DENND2C: variants seen among roughly 807,000 people sequenced by gnomAD.
DENND2C encodes the protein DENN domain-containing protein 2C.
A neutral mutation model predicts 112.4 loss-of-function variants in DENND2C; 72 were observed. The ratio of observed to expected loss-of-function variants is 0.64; its 90% CI spans 0.53 to 0.78. The LOEUF (loss-of-function observed/expected upper bound fraction) is 0.78. Ranked by LOEUF, DENND2C falls within the 30% of genes least tolerant of loss-of-function variation. DENND2C has a pLI of 0.00. For synonymous variants in DENND2C, 329 were observed against 381.6 expected (o/e 0.86, Z 1.61); for missense variants, 992 against 1,113.8 (o/e 0.89, Z 1.56).
intron 15 of DENND2C, among the ~76,000 whole-genome samples, chr1:114,599,983 G>A (rs1655451129): frequency 6.6e-6 from 1 of 152,026 alleles, no homozygotes; most frequent in Non-Finnish European, 1.5e-5. Context: ...GGGGGGATGG[G>A]GGGAGGGCTA....
intron 3 of DENND2C, among the ~76,000 whole-genome samples, chr1:114,645,070 T>G (rs1328208039): frequency 6.6e-6 from 1 of 152,210 alleles, no homozygotes; most frequent in African/African-American, 2.4e-5. Context: ...GAAGTTTAAC[T>G]ACAAATATTT....
At position 114,652,661 on chromosome 1, in the gene DENND2C, C is replaced by CT. The variant is rs55647145; in HGVS notation, c.-317+1843dup. Among the ~76,000 whole-genome samples the CT allele has an allele frequency of 7.8e-4, 86 of 109,822 alleles. 2 individuals carry two copies. Among genetic ancestry groups the CT allele is most frequent in the East Asian group, 3.7e-3 (12 of 3,212 alleles). The allele number at this position is 109,822 out of a possible 152,430, so 72.0% of individuals were successfully genotyped here. A position where few individuals can be genotyped will look rare whatever the true frequency, so the allele number is the denominator to read the frequency against. On this transcript the variant is annotated intron_variant, in intron 2 of 20. Transcript: ENST00000393274. ...CTTACAACTTATAGCCTTACATTTA[C>CT]TTTTTTTTTTTTTTTTTTTTTTTTT...
chr1:114,601,850 C>CT lies in DENND2C; in HGVS notation c.1738-266dup, dbSNP rs568559362. Reference sequence around the variant, plus strand: ...GCTCCTTCGAGTAGCTCATTGTACTCTATTTCAAATATATCCAGACTGAGA... The same window carrying CT: ...GCTCCTTCGAGTAGCTCATTGTACTCTTATTTCAAATATATCCAGACTGAGA... On this transcript the variant is annotated intron_variant, in intron 12 of 20. Transcript: ENST00000393274. Among the ~76,000 whole-genome samples, 151 of 152,270 alleles carry CT rather than the reference C, an allele frequency of 9.9e-4. 1 individual carries two copies. Among genetic ancestry groups the CT allele is most frequent in the Non-Finnish European group, 1.8e-3 (124 of 68,030 alleles).
chr1:114,602,019 C>T, intron 12 of DENND2C, 106 bp downstream of exon 12: 1 of 1,078,730 alleles, frequency 9.3e-7, no homozygotes, highest in Non-Finnish European at 1.4e-6. Flanking sequence ...ATACACAGAT[C>T]ATTGAGCATC....
Position 114,618,449 on chromosome 1 carries a change from T to C in DENND2C, c.1261A>G (p.Lys421Glu), listed in dbSNP as rs745845534. The C allele has an allele frequency of 1.5e-5, 24 of 1,593,784 alleles. No homozygotes were observed. Among genetic ancestry groups the C allele is most frequent in the Non-Finnish European group, 2.0e-5 (24 of 1,172,156 alleles). Residue 421 changes from lysine to glutamate, a missense_variant, in exon 8 of 21, where the codon AAA becomes GAA. Transcript: ENST00000393274. ...VLKIDDIFES[K>E]RGKKKVKLHS... ...AACTTTACCTTCTTCTTCCCTCTTT[T>C]AGATTCAAATATGTCATCTATTTTC... is the stretch of plus-strand genomic sequence containing the variant.
At chr1:114,644,972 C>T (rs906378594) in intron 3 of DENND2C, among the ~76,000 whole-genome samples, 4 of 151,976 alleles carry the variant, frequency 2.6e-5, no homozygotes, top group Non-Finnish European at 4.4e-5. Context: ...AATTTAAAGG[C>T]ATGAGATTTA....
chr1:114,610,154 C>T (rs1027472610), intron 9 of DENND2C, among the ~76,000 whole-genome samples: 5 of 152,146 alleles, frequency 3.3e-5, no homozygotes, highest in African/African-American at 1.2e-4. Context: ...CTTAGTATGA[C>T]AGTCACTTAA....
intron 1 of DENND2C, among the ~76,000 whole-genome samples, chr1:114,666,703 T>C (rs995182545): frequency 1.3e-5 from 2 of 152,232 alleles, no homozygotes; most frequent in Non-Finnish European, 1.5e-5. Context: ...TCCACCTGCC[T>C]TGGCCTCCCA....
intron 2 of DENND2C, among the ~76,000 whole-genome samples, chr1:114,650,673 CAAAAAAAAAAA>C (rs58693255): frequency 6.5e-5 from 4 of 61,614 alleles, no homozygotes; most frequent in South Asian, 7.1e-4. Flanking sequence ...GACTCCGTCT[CAAAAAAAAAAA>C]AAAAAAAAAA....
At chr1:114,661,617 G>C (rs1232004816) in intron 1 of DENND2C, among the ~76,000 whole-genome samples, 1 of 152,118 alleles carries the variant, frequency 6.6e-6, no homozygotes, top group Non-Finnish European at 1.5e-5. Flanking sequence ...ACATGGGTCT[G>C]TCATTTTACT....
chr1:114,597,197 A>G (rs1047796297), intron 16 of DENND2C, among the ~76,000 whole-genome samples: 1 of 152,144 alleles, frequency 6.6e-6, no homozygotes, highest in Non-Finnish European at 1.5e-5. Context: ...TAATCCCAGC[A>G]CTTTGGGAGG....
chr1:114,619,104 T>C (rs553496152), intron 7 of DENND2C, among the ~76,000 whole-genome samples: 3 of 152,332 alleles, frequency 2.0e-5, no homozygotes, highest in Non-Finnish European at 4.4e-5. Context: ...ATTTTTAAAT[T>C]GTTATATAAT....
chr1:114,628,057 G>A (rs1310006656), intron 3 of DENND2C, among the ~76,000 whole-genome samples: 1 of 152,018 alleles, frequency 6.6e-6, no homozygotes, highest in Non-Finnish European at 1.5e-5. Context: ...TGTCATCCCA[G>A]GACTTTAGGA....
intron 1 of DENND2C, among the ~76,000 whole-genome samples, chr1:114,668,840 AT>A (rs1197658563): frequency 6.6e-6 from 1 of 152,212 alleles, no homozygotes; most frequent in Non-Finnish European, 1.5e-5. Context: ...ACAAAAACAA[AT>A]TAAAGTCTTG....
Position 114,585,290 on chromosome 1 carries a change from T to C in DENND2C, c.*310A>G. 1 of 341,432 alleles carries C rather than the reference T, an allele frequency of 2.9e-6. No homozygotes were observed. Among genetic ancestry groups the C allele is most frequent in the Non-Finnish European group, 5.4e-6 (1 of 185,482 alleles). 21.2% of individuals were successfully genotyped at this position (341,432 alleles called of 1,614,324 possible). A position where few individuals can be genotyped will look rare whatever the true frequency, so the allele number is the denominator to read the frequency against. ...AATGTAACAACAACAAGGCTTTTCC[T>C]TGTGAAACACAACTACTTTCACAGA... On this transcript the variant is annotated 3_prime_UTR_variant, in exon 21 of 21. Coordinates refer to ENST00000393274, the MANE Select transcript of DENND2C (RefSeq NM_001256404.2).
Position 114,623,114 on chromosome 1 carries a change from TA to T in DENND2C, c.944-16del. ...TTTGGTGGGATCTTAAAAAATAATT[TA>T]AAAAAATGTTTACATGAACATAATT... On this transcript the variant is annotated splice_polypyrimidine_tract_variant and intron_variant, in intron 5 of 20. Transcript: ENST00000393274. The T allele has an allele frequency of 3.2e-6, 5 of 1,587,080 alleles. No individual in the cohort carries two copies. Among genetic ancestry groups the T allele is most frequent in the Non-Finnish European group, 3.4e-6 (4 of 1,167,678 alleles).
intron 9 of DENND2C, among the ~76,000 whole-genome samples, chr1:114,609,615 TG>T (rs1655756412): frequency 1.3e-5 from 2 of 152,212 alleles, no homozygotes; most frequent in Admixed American, 1.3e-4. Context: ...TTGAGCAATC[TG>T]GGGTGGTCCC....
chr1:114,622,407 C>T (rs1656191297), intron 6 of DENND2C, among the ~76,000 whole-genome samples: 1 of 152,094 alleles, frequency 6.6e-6, no homozygotes, highest in Admixed American at 6.6e-5. Context: ...TGAGCCACTG[C>T]ACCTGGCCAG....
At chr1:114,652,765 T>C (rs1557959745) in intron 2 of DENND2C, among the ~76,000 whole-genome samples, 1 of 150,556 alleles carries the variant, frequency 6.6e-6, no homozygotes, top group African/African-American at 2.5e-5. Context: ...CACTACAGCC[T>C]TGAACTCCCG....
Sources: gnomAD v4.1 joint callset for allele counts (sites outside exome capture counted in the v4.1 genomes callset) on GRCh38, gnomAD v4.1.1 for gene constraint, MANE v1.5 for transcripts, NCBI Gene and HGNC (gene_info 2026-07-23, HGNC 2026-07-21) for gene names.